The following HS6ST1 variants were observed in gnomAD, a reference collection of about 807,000 sequenced individuals.
HS6ST1 encodes the protein heparan sulfate 6-O-sulfotransferase 1.
HS6ST1 carries 3 observed loss-of-function variants against 25.2 expected under a neutral mutation model. The ratio of observed to expected loss-of-function variants is 0.12; its 90% CI spans 0.05 to 0.31. HS6ST1 has a LOEUF of 0.31. Ranked by LOEUF, HS6ST1 falls within the 10% of genes least tolerant of loss-of-function variation. The probability of loss-of-function intolerance (pLI) is 1.00; values close to 1 mark genes in which losing one functional copy is unlikely to be tolerated. For synonymous variants in HS6ST1, 204 were observed against 275.1 expected (o/e 0.74, Z 2.56); for missense variants, 310 against 609.6 (o/e 0.51, Z 5.18).
intron 1 of HS6ST1, among the ~76,000 whole-genome samples, chr2:128,282,692 C>T (rs1020339174): frequency 6.6e-6 from 1 of 152,186 alleles, no homozygotes; most frequent in Admixed American, 6.5e-5. Flanking sequence ...TCTGCAACTG[C>T]CCCAGCCCCT....
intron 1 of HS6ST1, among the ~76,000 whole-genome samples, chr2:128,279,004 TAAGA>T: frequency 6.6e-6 from 1 of 152,196 alleles, no homozygotes; most frequent in South Asian, 2.1e-4. Flanking sequence ...AAATGATTTA[TAAGA>T]AATAATGTAA....
chr2:128,306,347 C>G (rs1694209158), intron 1 of HS6ST1, among the ~76,000 whole-genome samples: 1 of 152,172 alleles, frequency 6.6e-6, no homozygotes, highest in Non-Finnish European at 1.5e-5. Flanking sequence ...GACCAGGATT[C>G]CAGGGAGAAC....
chr2:128,275,261 A>C (rs1693675837), intron 1 of HS6ST1, among the ~76,000 whole-genome samples: 1 of 152,094 alleles, frequency 6.6e-6, no homozygotes, highest in Admixed American at 6.5e-5. Flanking sequence ...TTACTGATTT[A>C]ATAAAAACGT....
intron 1 of HS6ST1, among the ~76,000 whole-genome samples, chr2:128,286,705 G>A (rs191668072): frequency 1.3e-4 from 20 of 152,174 alleles, no homozygotes; most frequent in East Asian, 3.9e-4. Context: ...CTTTATTAGC[G>A]TAGGTTTAGG....
At chr2:128,285,657 CT>C (rs1357633502) in intron 1 of HS6ST1, among the ~76,000 whole-genome samples, 3 of 152,330 alleles carry the variant, frequency 2.0e-5, no homozygotes, top group Admixed American at 6.5e-5. Flanking sequence ...TGTGGCACCC[CT>C]GTCTCTGCCT....
chr2:128,314,666 C>A (rs920783920), intron 1 of HS6ST1, among the ~76,000 whole-genome samples: 3 of 152,164 alleles, frequency 2.0e-5, no homozygotes, highest in Non-Finnish European at 4.4e-5. Context: ...CGGGCTCCTG[C>A]GCCATCCCTC....
At chr2:128,316,140 C>T (rs969894620) in intron 1 of HS6ST1, among the ~76,000 whole-genome samples, 2 of 152,240 alleles carry the variant, frequency 1.3e-5, no homozygotes, top group African/African-American at 4.8e-5. Context: ...ATCGGCCCCA[C>T]CTGGTCCTCC....
rs1302410639 is a variant in HS6ST1, at chr2:128,268,042, A to T, written c.*120T>A. The T allele has an allele frequency of 1.8e-4, 133 of 724,608 alleles. 2 individuals carry two copies. In the East Asian group the frequency reaches 3.5e-3, roughly 19 times the overall value. The allele number at this position is 724,608 out of a possible 1,614,324, so 44.9% of individuals were successfully genotyped here. A position where few individuals can be genotyped will look rare whatever the true frequency, so the allele number is the denominator to read the frequency against. On this transcript the variant is annotated 3_prime_UTR_variant, in exon 2 of 2. Coordinates refer to ENST00000259241, the MANE Select transcript of HS6ST1 (RefSeq NM_004807.3). The stretch of plus-strand genomic sequence containing the variant: ...CCTGCTCTGTTTTTTTTCAGGACGC[A>T]GCTACCTCTGTGGAGCAGGTTTGGG...
At chr2:128,280,430 C>T (rs1693768224) in intron 1 of HS6ST1, among the ~76,000 whole-genome samples, 1 of 152,174 alleles carries the variant, frequency 6.6e-6, no homozygotes, top group Non-Finnish European at 1.5e-5. Context: ...CGACCCGCTC[C>T]CAGGAGGCAC....
chr2:128,271,209 C>G (rs1693604209), intron 1 of HS6ST1, among the ~76,000 whole-genome samples: 1 of 152,220 alleles, frequency 6.6e-6, no homozygotes. Flanking sequence ...GTCAGAGGCC[C>G]AAGCATGCAA....
In HS6ST1 at chr2:128,311,315, G is replaced by A. The variant is rs527406092; in HGVS notation, c.527+6722C>T. Among the ~76,000 whole-genome samples the A allele has an allele frequency of 2.6e-5, 4 of 152,306 alleles. No individual in the cohort carries two copies. In the East Asian group the frequency reaches 7.7e-4, roughly 29 times the overall value. On this transcript the variant is annotated intron_variant, in intron 1 of 1. Coordinates refer to ENST00000259241, the MANE Select transcript of HS6ST1 (RefSeq NM_004807.3). ...AGTGGGCCTCAAGGAGAGGAGAGCAGGTGCCAGTGAGTGTCCAGGTGGCTG... is the reference window on the plus strand; with the variant it reads ...AGTGGGCCTCAAGGAGAGGAGAGCAAGTGCCAGTGAGTGTCCAGGTGGCTG...
At chr2:128,301,648 G>C (rs746552274) in intron 1 of HS6ST1, among the ~76,000 whole-genome samples, 146 of 152,236 alleles carry the variant, frequency 9.6e-4, no homozygotes, top group Non-Finnish European at 1.5e-3. Context: ...TGCTGGGGAT[G>C]TGTGTATATG....
intron 1 of HS6ST1, among the ~76,000 whole-genome samples, chr2:128,274,333 G>A (rs1693658324): frequency 6.6e-6 from 1 of 152,134 alleles, no homozygotes; most frequent in Non-Finnish European, 1.5e-5. Context: ...ATACATAAAT[G>A]GCATGCTTCT....
chr2:128,293,537 G>A lies in HS6ST1; in HGVS notation c.527+24500C>T, dbSNP rs111910207. ...GAGGGGACCTTCGAAGTTGGAAGGA[G>A]AGCAGCAGCAGACCATGGTCCGAGG... On this transcript the variant is annotated intron_variant, in intron 1 of 1. Coordinates refer to ENST00000259241, the MANE Select transcript of HS6ST1 (RefSeq NM_004807.3). 7.9e-5 allele frequency among the ~76,000 whole-genome samples: 12 copies of A among 152,346 alleles called. 1 individual carries two copies. Among genetic ancestry groups the A allele is most frequent in the South Asian group, 4.1e-4 (2 of 4,824 alleles).
chr2:128,282,665 A>G (rs1693805500), intron 1 of HS6ST1, among the ~76,000 whole-genome samples: 1 of 152,148 alleles, frequency 6.6e-6, no homozygotes, highest in Non-Finnish European at 1.5e-5. Flanking sequence ...AGGCTGCTTG[A>G]GCCCCACCTC....
chr2:128,296,084 A>AAGACAGGCAACAAGCCCTCACC (rs1694036726), intron 1 of HS6ST1, among the ~76,000 whole-genome samples: 1 of 152,224 alleles, frequency 6.6e-6, no homozygotes, highest in Non-Finnish European at 1.5e-5. Flanking sequence ...CAGGGGATAC[A>AAGACAGGCAACAAGCCCTCACC]AGACAGGCAA....
In HS6ST1 at chr2:128,271,430, C is replaced by T. The variant is rs111473395; in HGVS notation, c.528-2560G>A. On this transcript the variant is annotated intron_variant, in intron 1 of 1. Coordinates refer to ENST00000259241, the MANE Select transcript of HS6ST1 (RefSeq NM_004807.3). ...GCTGCTTCTGGGCTGGTGGAGGGTC[C>T]GGGTCACCTGCCTGGCTCCCACCTG... Among the ~76,000 whole-genome samples, 145 of 152,312 alleles carry T rather than the reference C, an allele frequency of 9.5e-4. 2 individuals carry two copies. Among genetic ancestry groups the T allele is most frequent in the African/African-American group, 2.8e-3 (116 of 41,568 alleles).
chr2:128,273,834 G>A (rs975536355), intron 1 of HS6ST1, among the ~76,000 whole-genome samples: 5 of 152,234 alleles, frequency 3.3e-5, no homozygotes, highest in Admixed American at 1.3e-4. Context: ...GGGGTGTGGC[G>A]AGGTGCAGAG....
At chr2:128,292,853 C>T (rs907682552) in intron 1 of HS6ST1, among the ~76,000 whole-genome samples, 15 of 151,930 alleles carry the variant, frequency 9.9e-5, no homozygotes, top group Admixed American at 2.6e-4. Flanking sequence ...CTGGAAAAGA[C>T]GGCTCGACTC....
Sources: allele counts gnomAD v4.1 joint callset (sites outside exome capture counted in the v4.1 genomes callset), GRCh38; gene constraint gnomAD v4.1.1; transcripts MANE v1.5; gene names NCBI Gene and HGNC (gene_info 2026-07-23, HGNC 2026-07-21).